The following B3GALT1 variants were observed in gnomAD, a reference collection of about 807,000 sequenced individuals.
The protein encoded by B3GALT1 is beta-1,3-galactosyltransferase 1, also known as UDP-Gal:betaGlcNAc beta 1,3-galactosyltransferase, polypeptide 1.
Under a neutral mutation model 23.2 loss-of-function variants are expected in B3GALT1, and 10 were observed. That is an observed-to-expected ratio of 0.43 (90% CI 0.27 to 0.73). B3GALT1 has a LOEUF of 0.73. B3GALT1 is among the 30% of genes least tolerant of loss of function. The pLI is 0.21. For missense variants in B3GALT1, 299 were observed against 405.4 expected, an observed-to-expected ratio of 0.74 and a Z score of 2.25; for synonymous variants, 156 against 141.5, an observed-to-expected ratio of 1.10 and a Z score of -0.73.
intron 1 of B3GALT1, among the ~76,000 whole-genome samples, chr2:167,430,767 C>G (rs557938055): frequency 6.6e-6 from 1 of 152,242 alleles, no homozygotes; most frequent in East Asian, 1.9e-4. Flanking sequence ...TTAATATTGG[C>G]ATCAACATTA....
intron 4 of B3GALT1, among the ~76,000 whole-genome samples, chr2:167,834,907 A>G (rs1350506236): frequency 6.6e-6 from 1 of 152,200 alleles, no homozygotes; most frequent in Non-Finnish European, 1.5e-5. Context: ...TCTGTGCCCA[A>G]GGAGAGGCCT....
At chr2:167,829,222 G>A (rs958979349) in intron 4 of B3GALT1, among the ~76,000 whole-genome samples, 8 of 152,244 alleles carry the variant, frequency 5.3e-5, no homozygotes, top group South Asian at 2.1e-4. Flanking sequence ...GGTGGCTCAC[G>A]CCTGTAATCC....
intron 4 of B3GALT1, among the ~76,000 whole-genome samples, chr2:167,851,092 C>G (rs1689875554): frequency 1.3e-5 from 2 of 152,042 alleles, no homozygotes; most frequent in South Asian, 4.1e-4. Flanking sequence ...TTATTTTCTT[C>G]TTTTTATTTG....
At chr2:167,410,345 G>A (rs1698371242) in intron 1 of B3GALT1, among the ~76,000 whole-genome samples, 2 of 152,054 alleles carry the variant, frequency 1.3e-5, no homozygotes, top group Non-Finnish European at 2.9e-5. Flanking sequence ...CAAAAAATGA[G>A]ACAGGCGCAG....
At chr2:167,325,303 G>A (rs191932619) in intron 1 of B3GALT1, among the ~76,000 whole-genome samples, 22 of 152,136 alleles carry the variant, frequency 1.4e-4, no homozygotes, top group South Asian at 2.1e-4. Flanking sequence ...AAGGAAAAGA[G>A]GTTTGATTGG....
intron 2 of B3GALT1, among the ~76,000 whole-genome samples, chr2:167,510,008 A>G (rs1347423612): frequency 6.6e-6 from 1 of 152,232 alleles, no homozygotes; most frequent in South Asian, 2.1e-4. Flanking sequence ...ACAAGCAGAT[A>G]TGATTTGAAA....
At chr2:167,366,408 T>C (rs567335856) in intron 1 of B3GALT1, among the ~76,000 whole-genome samples, 20 of 152,324 alleles carry the variant, frequency 1.3e-4, no homozygotes, top group African/African-American at 4.3e-4. Context: ...TTATGTCACT[T>C]GATCTGTACA....
chr2:167,480,560 T>C (rs1699549737), intron 1 of B3GALT1, among the ~76,000 whole-genome samples: 1 of 151,804 alleles, frequency 6.6e-6, no homozygotes, highest in Non-Finnish European at 1.5e-5. Flanking sequence ...TCTGTTTTGT[T>C]CCTTAGCCAT....
intron 2 of B3GALT1, among the ~76,000 whole-genome samples, chr2:167,643,760 G>C (rs780250855): frequency 5.3e-5 from 8 of 152,148 alleles, no homozygotes; most frequent in Non-Finnish European, 1.0e-4. Context: ...AAATGTATAA[G>C]GTGTGGGTAA....
chr2:167,512,567 T>G (rs1244883728), intron 2 of B3GALT1, among the ~76,000 whole-genome samples: 1 of 79,964 alleles, frequency 1.3e-5, no homozygotes, highest in African/African-American at 5.4e-5. Context: ...TATATATATA[T>G]GTATATATAT....
chr2:167,464,256 G>A (rs145502333), intron 1 of B3GALT1, among the ~76,000 whole-genome samples: 1,761 of 152,058 alleles, frequency 0.012, 40 homozygotes, highest in African/African-American at 0.041. Flanking sequence ...CCCTGCTTCA[G>A]TAGTATCTTG....
chr2:167,474,109 C>T (rs1480252645), intron 1 of B3GALT1, among the ~76,000 whole-genome samples: 1 of 152,140 alleles, frequency 6.6e-6, no homozygotes, highest in African/African-American at 2.4e-5. Flanking sequence ...AATGTAATGG[C>T]ATGGACATGT....
intron 3 of B3GALT1, among the ~76,000 whole-genome samples, chr2:167,746,337 T>C (rs1196654818): frequency 6.6e-6 from 1 of 152,254 alleles, no homozygotes; most frequent in Admixed American, 6.5e-5. Context: ...TTAAGAGACT[T>C]GAAAGTTAAT....
chr2:167,716,631 A>G (rs769848872), intron 3 of B3GALT1, among the ~76,000 whole-genome samples: 3 of 152,014 alleles, frequency 2.0e-5, no homozygotes, highest in African/African-American at 4.8e-5. Flanking sequence ...TTTTAAATAC[A>G]CTCTTCTATT....
intron 2 of B3GALT1, among the ~76,000 whole-genome samples, chr2:167,556,621 A>C (rs1683857447): frequency 1.3e-5 from 2 of 152,228 alleles, no homozygotes; most frequent in Non-Finnish European, 2.9e-5. Flanking sequence ...CTTTATTAAA[A>C]TCTAGAGCTA....
chr2:167,492,304 G>C (rs1368970096), intron 2 of B3GALT1, among the ~76,000 whole-genome samples: 1 of 152,138 alleles, frequency 6.6e-6, no homozygotes, highest in Admixed American at 6.5e-5. Context: ...TTTTTCTGTG[G>C]CTTAATAGCT....
At chr2:167,592,332 A>C (rs1051149028) in intron 2 of B3GALT1, among the ~76,000 whole-genome samples, 2 of 152,246 alleles carry the variant, frequency 1.3e-5, no homozygotes, top group South Asian at 4.1e-4. Context: ...CCCCTAATCT[A>C]AGAGGATCTC....
At chr2:167,550,993 C>A (rs1683733743) in intron 2 of B3GALT1, among the ~76,000 whole-genome samples, 1 of 152,218 alleles carries the variant, frequency 6.6e-6, no homozygotes, top group African/African-American at 2.4e-5. Context: ...CTGCCATCCC[C>A]CACGGCCCAC....
In B3GALT1 at chr2:167,863,949, A is replaced by T. The variant is rs1332250182; in HGVS notation, c.-229-4862A>T. The stretch of plus-strand genomic sequence containing the variant: ...TCACGTCTGAAGACAACAGGAAAAA[A>T]GGTCAGTAGAAATAGTGATTCTGTG... On this transcript the variant is annotated intron_variant, in intron 4 of 4. Transcript: ENST00000392690. Among the ~76,000 whole-genome samples the T allele has an allele frequency of 2.6e-5, 4 of 151,952 alleles. No individual in the cohort carries two copies. In the South Asian group the frequency reaches 8.4e-4, roughly 32 times the overall value.
Sources: allele counts gnomAD v4.1 joint callset (sites outside exome capture counted in the v4.1 genomes callset), GRCh38; gene constraint gnomAD v4.1.1; transcripts MANE v1.5; gene names NCBI Gene and HGNC (gene_info 2026-07-23, HGNC 2026-07-21).